Variants in MAPK9 observed in about 807,000 individuals in gnomAD.
MAPK9 encodes mitogen-activated protein kinase 9.
Under a neutral mutation model 57.1 loss-of-function variants are expected in MAPK9, and 30 were observed. That is an observed-to-expected ratio of 0.53 (90% CI 0.39 to 0.71). The LOEUF (loss-of-function observed/expected upper bound fraction) is 0.71, where lower values mean the gene tolerates loss of function less well. Ranked by LOEUF, MAPK9 falls within the 30% of genes least tolerant of loss-of-function variation. The pLI, the probability that MAPK9 is intolerant of heterozygous loss-of-function variation, is 0.00. For synonymous variants in MAPK9, 155 were observed against 177.0 expected, an observed-to-expected ratio of 0.88 and a Z score of 0.99; for missense variants, 362 against 521.0, an observed-to-expected ratio of 0.69 and a Z score of 2.97.
intron 1 of MAPK9, among the ~76,000 whole-genome samples, chr5:180,283,576 T>C (rs1460371139): frequency 6.6e-6 from 1 of 152,256 alleles, no homozygotes; most frequent in Non-Finnish European, 1.5e-5. Context: ...CAATATTAGG[T>C]TAACTTTTTT....
At chr5:180,288,676 G>A (rs1762982231) in intron 1 of MAPK9, among the ~76,000 whole-genome samples, 1 of 152,168 alleles carries the variant, frequency 6.6e-6, no homozygotes, top group African/African-American at 2.4e-5. Context: ...ACTGCTCCGA[G>A]CTACCCTACC....
intron 5 of MAPK9, among the ~76,000 whole-genome samples, chr5:180,254,980 G>A (rs758976787): frequency 3.9e-5 from 6 of 152,172 alleles, no homozygotes; most frequent in Admixed American, 2.0e-4. Context: ...TTTGCACTGA[G>A]CCAAGACCAT....
Position 180,289,878 on chromosome 5 carries a change from C to G in MAPK9, c.-48+1970G>C, listed in dbSNP as rs142391703. ...GGAGTGCTGCCTTCCTTTTTAGAGA[C>G]AGGGTCTTGCTCTGTCACCCAGGCT... is the stretch of plus-strand genomic sequence containing the variant. On this transcript the variant is annotated intron_variant, in intron 1 of 11. Coordinates refer to ENST00000452135, the MANE Select transcript of MAPK9 (RefSeq NM_002752.5). 3.2e-3 allele frequency among the ~76,000 whole-genome samples: 492 copies of G among 152,298 alleles called. 5 individuals are homozygous for G. The highest frequency in any genetic ancestry group is 0.011 in the African/African-American group (448 of 41,564).
At chr5:180,240,947 G>A in intron 9 of MAPK9, 84 bp downstream of exon 9, 2 of 1,437,214 alleles carry the variant, frequency 1.4e-6, no homozygotes, top group Non-Finnish European at 9.2e-7. Context: ...CTACCCATAT[G>A]TAGCCACTCT....
intron 5 of MAPK9, among the ~76,000 whole-genome samples, chr5:180,253,919 C>T (rs1758979562): frequency 6.6e-6 from 1 of 151,886 alleles, no homozygotes; most frequent in Admixed American, 6.6e-5. Flanking sequence ...TAACAATTTA[C>T]CCATTCACTC....
At chr5:180,270,750 CTGAG>C (rs1016832806) in intron 2 of MAPK9, among the ~76,000 whole-genome samples, 8 of 149,562 alleles carry the variant, frequency 5.3e-5, no homozygotes, top group African/African-American at 2.0e-4. Context: ...ACTCAGGGGA[CTGAG>C]GTGGGAGGAC....
At chr5:180,280,972 C>T (rs1422107959) in intron 1 of MAPK9, among the ~76,000 whole-genome samples, 1 of 152,196 alleles carries the variant, frequency 6.6e-6, no homozygotes, top group African/African-American at 2.4e-5. Flanking sequence ...GGTTCATTTA[C>T]ACCTAGCTGT....
At chr5:180,260,805 G>A (rs1759865807) in intron 5 of MAPK9, among the ~76,000 whole-genome samples, 1 of 152,060 alleles carries the variant, frequency 6.6e-6, no homozygotes, top group South Asian at 2.1e-4. Flanking sequence ...TTTCTTACTG[G>A]CCTTATTTGA....
intron 2 of MAPK9, among the ~76,000 whole-genome samples, chr5:180,276,495 A>G (rs1761829652): frequency 6.6e-6 from 1 of 152,258 alleles, no homozygotes; most frequent in Admixed American, 6.5e-5. Context: ...GAGCTTCAAA[A>G]TCTTACAATT....
intron 4 of MAPK9, among the ~76,000 whole-genome samples, chr5:180,263,946 C>A (rs757236331): frequency 6.6e-6 from 1 of 152,134 alleles, no homozygotes; most frequent in African/African-American, 2.4e-5. Context: ...ACCTCGTGAT[C>A]CGCCCGCCTC....
intron 2 of MAPK9, chr5:180,279,939 C>G: frequency 2.2e-6 from 1 of 456,700 alleles, no homozygotes. Flanking sequence ...CAGCCCAACC[C>G]CTCACACAGC....
chr5:180,291,012 A>AAAGG (rs1290573899), intron 1 of MAPK9, among the ~76,000 whole-genome samples: 1 of 152,254 alleles, frequency 6.6e-6, no homozygotes. Context: ...TAAGGGAAGA[A>AAAGG]AGAGGGTGGT....
At chr5:180,260,482 C>T (rs1759820948) in intron 5 of MAPK9, among the ~76,000 whole-genome samples, 1 of 152,058 alleles carries the variant, frequency 6.6e-6, no homozygotes. Flanking sequence ...AAATGTTATA[C>T]AAGTTATAAA....
chr5:180,268,782 C>A (rs1258749144), intron 3 of MAPK9, among the ~76,000 whole-genome samples: 1 of 139,082 alleles, frequency 7.2e-6, no homozygotes, highest in East Asian at 2.2e-4. Flanking sequence ...AGCCAAGATC[C>A]CACCACTGCA....
chr5:180,283,057 G>C (rs2127626054), intron 1 of MAPK9, among the ~76,000 whole-genome samples: 1 of 152,252 alleles, frequency 6.6e-6, no homozygotes, highest in African/African-American at 2.4e-5. Flanking sequence ...AGTCCTGAGG[G>C]CTGTGGAAGC....
intron 4 of MAPK9, among the ~76,000 whole-genome samples, chr5:180,262,170 G>A (rs1477947629): frequency 6.6e-6 from 1 of 152,144 alleles, no homozygotes; most frequent in Non-Finnish European, 1.5e-5. Flanking sequence ...CCTCTGGTGG[G>A]AGATGCTGAG....
intron 11 of MAPK9, chr5:180,237,419 T>G (rs895124813): frequency 3.3e-5 from 5 of 152,164 alleles, no homozygotes; most frequent in African/African-American, 4.8e-5. Flanking sequence ...CAGACGTAAG[T>G]GAACACGACT....
At chr5:180,250,966 T>C (rs1198612032) in intron 5 of MAPK9, among the ~76,000 whole-genome samples, 1 of 152,110 alleles carries the variant, frequency 6.6e-6, no homozygotes, top group African/African-American at 2.4e-5. Flanking sequence ...AATTCGCTTC[T>C]TGTTTCCTTT....
At chr5:180,286,264 G>T in intron 1 of MAPK9, among the ~76,000 whole-genome samples, 1 of 142,662 alleles carries the variant, frequency 7.0e-6, no homozygotes, top group East Asian at 2.5e-4. Flanking sequence ...TCCTGCCTCA[G>T]CCTCCCAAGT....
Sources: gnomAD v4.1 joint callset for allele counts (sites outside exome capture counted in the v4.1 genomes callset) on GRCh38, gnomAD v4.1.1 for gene constraint, MANE v1.5 for transcripts, NCBI Gene and HGNC (gene_info 2026-07-23, HGNC 2026-07-21) for gene names.